FOXO3: variants seen among roughly 807,000 people sequenced by gnomAD.
The protein encoded by FOXO3 is forkhead box O3, also known as forkhead box protein O3.
In FOXO3, 4 loss-of-function variants were observed where a neutral mutation model predicts 41.9. That is an observed-to-expected ratio of 0.10 (90% confidence interval 0.05 to 0.22). The LOEUF (loss-of-function observed/expected upper bound fraction) is 0.22, where lower values mean the gene tolerates loss of function less well. Ranked by LOEUF, FOXO3 falls within the 10% of genes least tolerant of loss-of-function variation. The pLI, the probability that FOXO3 is intolerant of heterozygous loss-of-function variation, is 1.00. For missense variants in FOXO3, 534 were observed against 906.8 expected (o/e 0.59, Z 5.28); for synonymous variants, 318 against 389.3 (o/e 0.82, Z 2.16).
intron 2 of FOXO3, among the ~76,000 whole-genome samples, chr6:108,673,022 T>C (rs1200363535): frequency 6.6e-6 from 1 of 152,156 alleles, no homozygotes; most frequent in East Asian, 1.9e-4. Context: ...GCCACTGTAA[T>C]TAATTGGGGC....
At chr6:108,622,869 C>G (rs1777706604) in intron 1 of FOXO3, among the ~76,000 whole-genome samples, 1 of 150,550 alleles carries the variant, frequency 6.6e-6, no homozygotes, top group South Asian at 2.1e-4. Context: ...TGCTGTGGCT[C>G]TCGTTCAGGC....
chr6:108,668,364 CTT>C (rs1386900386), intron 2 of FOXO3, among the ~76,000 whole-genome samples: 1 of 152,140 alleles, frequency 6.6e-6, no homozygotes, highest in African/African-American at 2.4e-5. Flanking sequence ...AATAGCCATA[CTT>C]TTTTGGAGGG....
intron 1 of FOXO3, among the ~76,000 whole-genome samples, chr6:108,608,503 AC>A (rs1021482776): frequency 1.3e-5 from 2 of 152,344 alleles, no homozygotes; most frequent in East Asian, 1.9e-4. Context: ...GTTAAAAAAA[AC>A]AACTACTCTT....
intron 1 of FOXO3, among the ~76,000 whole-genome samples, chr6:108,596,416 AAAAGT>A (rs937867232): frequency 2.0e-5 from 3 of 151,630 alleles, no homozygotes; most frequent in African/African-American, 7.3e-5. Flanking sequence ...AGTTCAAAGT[AAAAGT>A]AGTAATGTGG....
chr6:108,665,138 C>T (rs1382253537), intron 2 of FOXO3, among the ~76,000 whole-genome samples: 1 of 152,190 alleles, frequency 6.6e-6, no homozygotes, highest in South Asian at 2.1e-4. Context: ...GTGAAGAGAA[C>T]ACGTACGCAT....
chr6:108,576,953 G>T (rs1471377173), intron 1 of FOXO3, among the ~76,000 whole-genome samples: 1 of 152,052 alleles, frequency 6.6e-6, no homozygotes, highest in Non-Finnish European at 1.5e-5. Flanking sequence ...TTTATCATTT[G>T]CATCACATGA....
intron 1 of FOXO3, among the ~76,000 whole-genome samples, chr6:108,599,557 G>A (rs566840635): frequency 5.9e-5 from 9 of 152,282 alleles, no homozygotes; most frequent in East Asian, 1.9e-4. Context: ...ATGCTTCTTC[G>A]TGGTCTTTTC....
chr6:108,622,256 C>CAAAAAA (rs984779744), intron 1 of FOXO3, among the ~76,000 whole-genome samples: 1 of 48,448 alleles, frequency 2.1e-5, no homozygotes, highest in Non-Finnish European at 4.2e-5. Context: ...AAGACTGTCT[C>CAAAAAA]AAAAAAAAAA....
At chr6:108,660,779 G>A (rs761705063) in intron 1 of FOXO3, among the ~76,000 whole-genome samples, 5 of 152,146 alleles carry the variant, frequency 3.3e-5, no homozygotes, top group Non-Finnish European at 7.4e-5. Context: ...GGCCGAGGCG[G>A]GTGGGTCACG....
chr6:108,572,008 C>T (rs528362151), intron 1 of FOXO3, among the ~76,000 whole-genome samples: 1 of 152,248 alleles, frequency 6.6e-6, no homozygotes, highest in African/African-American at 2.4e-5. Context: ...TCCTTGATTT[C>T]CCAGTTAGAG....
chr6:108,599,093 C>T (rs1414546328), intron 1 of FOXO3, among the ~76,000 whole-genome samples: 1 of 152,098 alleles, frequency 6.6e-6, no homozygotes, highest in African/African-American at 2.4e-5. Flanking sequence ...ACCAGAGTAA[C>T]TTTGTGAGAG....
At chr6:108,668,344 GA>G (rs1470194942) in intron 2 of FOXO3, among the ~76,000 whole-genome samples, 2 of 152,122 alleles carry the variant, frequency 1.3e-5, no homozygotes, top group African/African-American at 4.8e-5. Context: ...GGTCTATCTG[GA>G]AAAGAAAAAA....
chr6:108,654,205 G>A (rs971660705), intron 1 of FOXO3, among the ~76,000 whole-genome samples: 10 of 152,114 alleles, frequency 6.6e-5, no homozygotes, highest in African/African-American at 1.4e-4. Flanking sequence ...TCTGTGTGCC[G>A]GAAGTGCAGG....
intron 1 of FOXO3, among the ~76,000 whole-genome samples, chr6:108,596,565 C>T (rs1455608030): frequency 6.6e-6 from 1 of 151,964 alleles, no homozygotes; most frequent in Admixed American, 6.6e-5. Flanking sequence ...AAAGTTTAAG[C>T]AGGAAATGGA....
intron 1 of FOXO3, among the ~76,000 whole-genome samples, chr6:108,569,779 T>A (rs539387248): frequency 6.6e-6 from 1 of 152,150 alleles, no homozygotes; most frequent in South Asian, 2.1e-4. Flanking sequence ...GGCACATGTG[T>A]AGGGGGCAAG....
At chr6:108,569,987 G>T (rs999436424) in intron 1 of FOXO3, among the ~76,000 whole-genome samples, 9 of 73,246 alleles carry the variant, frequency 1.2e-4, no homozygotes, top group East Asian at 4.0e-4. Flanking sequence ...CCCTTGCGTG[G>T]TTTTTTTTTT....
At chr6:108,657,243 C>T (rs528855933) in intron 1 of FOXO3, among the ~76,000 whole-genome samples, 28 of 152,336 alleles carry the variant, frequency 1.8e-4, no homozygotes, top group South Asian at 4.1e-4. Context: ...TTAAACCTTT[C>T]GGCCCACGTT....
chr6:108,593,437 G>T (rs1465685138), intron 1 of FOXO3, among the ~76,000 whole-genome samples: 1 of 151,804 alleles, frequency 6.6e-6, no homozygotes, highest in African/African-American at 2.4e-5. Flanking sequence ...GAGTGCAGTG[G>T]CACGATCTTA....
chr6:108,593,834 A>T (rs1394884065), intron 1 of FOXO3, among the ~76,000 whole-genome samples: 1 of 144,170 alleles, frequency 6.9e-6, no homozygotes, highest in East Asian at 2.0e-4. Flanking sequence ...CTCCTGCCTC[A>T]GCCTCCCGAG....
Sources: gnomAD v4.1 joint callset for allele counts (sites outside exome capture counted in the v4.1 genomes callset) on GRCh38, gnomAD v4.1.1 for gene constraint, MANE v1.5 for transcripts, NCBI Gene and HGNC (gene_info 2026-07-23, HGNC 2026-07-21) for gene names.